The following KDM4B variants were observed in gnomAD, a reference collection of about 807,000 sequenced individuals.
KDM4B encodes lysine-specific demethylase 4B.
In KDM4B, 32 loss-of-function variants were observed where a neutral mutation model predicts 125.2. The observed-to-expected ratio is 0.26, with a 90% CI of 0.19 to 0.34. The LOEUF is 0.34. Among genes scored for constraint, KDM4B ranks in the 10% least tolerant of loss-of-function variants. The pLI, the probability that KDM4B is intolerant of heterozygous loss-of-function variation, is 1.00. For missense variants in KDM4B, 1,190 were observed against 1,577.7 expected (o/e 0.75, Z 4.16); for synonymous variants, 721 against 677.9 (o/e 1.06, Z -0.99).
At chr19:5,084,489 G>A (rs1323493752) in intron 9 of KDM4B, among the ~76,000 whole-genome samples, 4 of 128,190 alleles carry the variant, frequency 3.1e-5, no homozygotes, top group African/African-American at 1.2e-4. Flanking sequence ...AATTATATAT[G>A]TTATAATTTA....
chr19:5,150,570 T>A, intron 22 of KDM4B, 120 bp downstream of exon 22: 1 of 700,900 alleles, frequency 1.4e-6, no homozygotes, highest in Non-Finnish European at 2.4e-6. Flanking sequence ...GCACCTCTGC[T>A]GGAAGGGGGT....
chr19:5,114,552 C>T lies in KDM4B; in HGVS notation c.1115+3734C>T, dbSNP rs1442944887. 1 of 347,156 alleles carries T rather than the reference C, an allele frequency of 2.9e-6. No homozygotes were observed. The highest frequency in any genetic ancestry group is 5.7e-6 in the Non-Finnish European group (1 of 174,402). 21.5% of individuals were successfully genotyped at this position (347,156 alleles called of 1,614,324 possible). The stretch of plus-strand genomic sequence containing the variant: ...CCAGCCCCTGCAGGGAGTGCGCAGC[C>T]TCAGGGACTCACTTGCTGTCTCCTG... On this transcript the variant is annotated intron_variant, in intron 10 of 22. Transcript: ENST00000159111. This position sits in a 1 kb window ranked among gnomAD's most constrained non-coding sequence, Gnocchi z 5.8.
At chr19:5,126,374 G>A (rs937023305) in intron 11 of KDM4B, among the ~76,000 whole-genome samples, 1 of 152,210 alleles carries the variant, frequency 6.6e-6, no homozygotes, top group African/African-American at 2.4e-5. Flanking sequence ...CAGAAAGCAG[G>A]AAGGCGGCCT....
At position 5,114,272 on chromosome 19, in the gene KDM4B, T is replaced by G. The variant is rs1183437958; in HGVS notation, c.1115+3454T>G. ...TGCACCCGCCTCACCACAGCCTCCC[T>G]GGCCCACTGCTGCTCTGTGAGCCCG... On this transcript the variant is annotated intron_variant, in intron 10 of 22. Transcript: ENST00000159111. The surrounding 1 kb of genome is among the most constrained non-coding windows in gnomAD (Gnocchi z 5.8). 1 of 1,268,180 alleles carries G rather than the reference T, an allele frequency of 7.9e-7. No individual in the cohort carries two copies. The allele number at this position is 1,268,180 out of a possible 1,614,324, so 78.6% of individuals were successfully genotyped here.
At chr19:4,975,676 T>C (rs1486860339) in intron 1 of KDM4B, among the ~76,000 whole-genome samples, 2 of 149,010 alleles carry the variant, frequency 1.3e-5, no homozygotes, top group African/African-American at 5.0e-5. Flanking sequence ...CACTGCAACC[T>C]CCACCTCCCG....
intron 21 of KDM4B, among the ~76,000 whole-genome samples, chr19:5,149,197 G>GC (rs755689038): frequency 2.8e-4 from 43 of 152,082 alleles, no homozygotes; most frequent in Admixed American, 2.2e-3. Flanking sequence ...GCGATCCCGG[G>GC]CCCCCCCGCT....
chr19:5,033,355 G>A (rs141546683), intron 3 of KDM4B, among the ~76,000 whole-genome samples: 3,674 of 152,326 alleles, frequency 0.024, 69 homozygotes, highest in Middle Eastern at 0.075. Flanking sequence ...GTGAGCTGAC[G>A]TCTCACTGAG....
intron 10 of KDM4B, chr19:5,111,540 T>A (rs760021456): frequency 1.3e-6 from 1 of 763,548 alleles, no homozygotes; most frequent in East Asian, 2.4e-5. Context: ...ATGCCCAGAG[T>A]GAAGGCGAGC....
intron 9 of KDM4B, among the ~76,000 whole-genome samples, chr19:5,088,494 C>T (rs1273262874): frequency 3.3e-5 from 5 of 152,252 alleles, no homozygotes; most frequent in South Asian, 2.1e-4. Flanking sequence ...GAGCAGAGGT[C>T]GATGGGGGGG....
intron 9 of KDM4B, among the ~76,000 whole-genome samples, chr19:5,107,508 G>A (rs1023841664): frequency 2.6e-5 from 4 of 152,184 alleles, no homozygotes; most frequent in Non-Finnish European, 5.9e-5. Context: ...CAGGGGCCTG[G>A]CTAATGAAAA....
rs963370523 is a variant in KDM4B at position 5,082,135 on chromosome 19, C to T, written c.781-232C>T. On this transcript the variant is annotated intron_variant, in intron 8 of 22. Coordinates refer to ENST00000159111, the MANE Select transcript of KDM4B (RefSeq NM_015015.3). The surrounding 1 kb of genome is among the most constrained non-coding windows in gnomAD (Gnocchi z 5.4). ...TGGGGCTGGAGGGGCCCGGCTGAGC[C>T]GAGTGGAGGTTGCAGAGCTGTGGCT... is the stretch of plus-strand genomic sequence containing the variant. Among the ~76,000 whole-genome samples the T allele has an allele frequency of 2.0e-5, 3 of 152,198 alleles. No individual in the cohort carries two copies. Among genetic ancestry groups the T allele is most frequent in the South Asian group, 2.1e-4 (1 of 4,834 alleles).
At chr19:5,144,464 A>G in intron 20 of KDM4B, 52 bp downstream of exon 20, 1 of 1,495,716 alleles carries the variant, frequency 6.7e-7, no homozygotes, top group East Asian at 2.5e-5. Flanking sequence ...GCACAGCGAC[A>G]ACCTGTACCC....
chr19:5,077,515 C>G, intron 8 of KDM4B, 45 bp downstream of exon 8: 1 of 1,535,244 alleles, frequency 6.5e-7, no homozygotes, highest in Non-Finnish European at 9.0e-7. Flanking sequence ...AAGTGGGTAC[C>G]GGGTCCAAGC....
intron 11 of KDM4B, among the ~76,000 whole-genome samples, chr19:5,120,975 G>T (rs1568310232): frequency 6.6e-6 from 1 of 152,192 alleles, no homozygotes; most frequent in Non-Finnish European, 1.5e-5. Flanking sequence ...CAGGTCTCCA[G>T]GACGCGCTGG....
intron 12 of KDM4B, 59 bp downstream of exon 12, chr19:5,131,604 AG>A (rs1170090615): frequency 4.6e-5 from 6 of 130,064 alleles, no homozygotes; most frequent in East Asian, 2.1e-4. Context: ...GCAGGGGAGG[AG>A]GGGGCAGGTG....
At chr19:5,094,119 C>T (rs995773508) in intron 9 of KDM4B, among the ~76,000 whole-genome samples, 1 of 152,210 alleles carries the variant, frequency 6.6e-6, no homozygotes, top group Non-Finnish European at 1.5e-5. Flanking sequence ...CTCTCCTCTG[C>T]CCCATGGTCA....
chr19:5,143,992 TGAA>T lies in KDM4B; in HGVS notation c.2581_2583del (p.Lys861del), dbSNP rs771097077. 2.8e-5 allele frequency: 44 copies of T among 1,586,950 alleles called. No homozygotes were observed. The highest frequency in any genetic ancestry group is 4.0e-5 in the African/African-American group (3 of 74,346). On this transcript the variant is annotated inframe_deletion, in exon 19 of 23. Coordinates refer to ENST00000159111, the MANE Select transcript of KDM4B (RefSeq NM_015015.3). ...AAATGCGTGTACTGCCGGAAGCGGA[TGAA>T]GAAGGTGTCAGGTGCCTGTATCCAG...
chr19:5,046,837 G>A (rs528690847), intron 5 of KDM4B, among the ~76,000 whole-genome samples: 7 of 152,324 alleles, frequency 4.6e-5, no homozygotes, highest in South Asian at 2.1e-4. Flanking sequence ...ACTTAGAGGC[G>A]TGTTAATTAT....
chr19:4,983,154 G>A (rs1254985487), intron 1 of KDM4B, among the ~76,000 whole-genome samples: 1 of 132,336 alleles, frequency 7.6e-6, no homozygotes, highest in Non-Finnish European at 1.5e-5. Flanking sequence ...TTTTTTTTGG[G>A]TGCTGTCTTT....
Sources: allele counts gnomAD v4.1 joint callset (sites outside exome capture counted in the v4.1 genomes callset), GRCh38; gene constraint gnomAD v4.1.1; non-coding constraint Gnocchi (gnomAD v3.1); transcripts MANE v1.5; gene names NCBI Gene and HGNC (gene_info 2026-07-23, HGNC 2026-07-21).